PKD1: variants seen among roughly 807,000 people sequenced by gnomAD.
The protein encoded by PKD1 is polycystin 1, transient receptor potential channel interacting.
In PKD1, 81 loss-of-function variants were observed where a neutral mutation model predicts 361.7. The ratio of observed to expected loss-of-function variants is 0.22; its 90% CI spans 0.19 to 0.27. The LOEUF (loss-of-function observed/expected upper bound fraction) is 0.27, where lower values mean the gene tolerates loss of function less well. Ranked by LOEUF, PKD1 falls within the 10% of genes least tolerant of loss-of-function variation. The pLI is 1.00. For synonymous variants in PKD1, 3,615 were observed against 2,818.3 expected (o/e 1.28, Z -8.95); for missense variants, 6,399 against 6,118.3 (o/e 1.05, Z -1.53).
At position 2,111,994 on chromosome 16, in the gene PKD1, G is replaced by A. The variant is rs1217854260; in HGVS notation, c.3296-123C>T. 8 of 1,074,430 alleles carry A rather than the reference G, an allele frequency of 7.4e-6. No individual in the cohort carries two copies. In the East Asian group the frequency reaches 1.3e-4, roughly 17 times the overall value. 66.6% of individuals were successfully genotyped at this position (1,074,430 alleles called of 1,614,324 possible). A position where few individuals can be genotyped will look rare whatever the true frequency, so the allele number is the denominator to read the frequency against. ...CTGCACCTGCGGCCCAGCCTTAAGG[G>A]TCCCAGGCTCCCAAGCCACGTGCGG... On this transcript the variant is annotated intron_variant, in intron 14 of 45. Transcript: ENST00000262304.
rs755625935 is a variant in PKD1, at chr16:2,114,688, T to C, written c.2335A>G (p.Thr779Ala). ...LRLLAATEQL[T>A]VLLGLRPNPG... ...TTGGGCCTCAAGCCCAGCAGCACGG[T>C]GAGCTGTTCCGTGGCTGCAAGCAGC... The change falls in exon 11 of 46, where the codon ACC becomes GCC. Residue 779 changes from threonine to alanine, a missense_variant. Transcript: ENST00000262304. 6.5e-7 allele frequency: 1 copy of C among 1,539,112 alleles called. No individual in the cohort carries two copies. The highest frequency in any genetic ancestry group is 1.2e-5 in the South Asian group (1 of 84,552).
chr16:2,111,896 C>A, intron 14 of PKD1, 25 bp from the exon 15 acceptor site: 5 of 1,608,694 alleles, frequency 3.1e-6, no homozygotes, highest in Non-Finnish European at 4.2e-6. Context: ...CCGAGTGGGG[C>A]AGCCGCGGCA....
chr16:2,111,464 C>A lies in PKD1; in HGVS notation c.3703G>T (p.Val1235Leu), dbSNP rs761361259. 6.2e-7 allele frequency: 1 copy of A among 1,611,738 alleles called. No individual in the cohort carries two copies. Among genetic ancestry groups the A allele is most frequent in the Non-Finnish European group, 8.5e-7 (1 of 1,179,494 alleles). Reference sequence around the variant, plus strand: ...CACGTGATGTTGTCGCCCGTCTGCACCGCGGCGCTGACCACCACGGGGGCG... The same window carrying A: ...CACGTGATGTTGTCGCCCGTCTGCAACGCGGCGCTGACCACCACGGGGGCG... ...QGAPVVVSAAVQTGDNITWTF... is the reference protein window; with the variant it reads ...QGAPVVVSAALQTGDNITWTF... The change falls in exon 15 of 46, where the codon GTG (valine) becomes TTG (leucine). Residue 1235 changes from valine to leucine, a missense_variant. Physicochemically the swap from Val to Leu is conservative, Grantham distance 32. Transcript: ENST00000262304.
chr16:2,130,628 C>T (rs1386515301), intron 1 of PKD1, among the ~76,000 whole-genome samples: 2 of 152,230 alleles, frequency 1.3e-5, no homozygotes, highest in Non-Finnish European at 2.9e-5. Flanking sequence ...CCTCCGTGGC[C>T]TGGCCAGCCC....
intron 1 of PKD1, among the ~76,000 whole-genome samples, chr16:2,121,478 T>C (rs545666107): frequency 3.6e-4 from 54 of 151,976 alleles, no homozygotes; most frequent in South Asian, 2.1e-4. Flanking sequence ...AGAAGCACAA[T>C]TGGTCACAGC....
In PKD1 at chr16:2,107,991, C is replaced by A. The variant is rs1341118366; in HGVS notation, c.6957G>T (p.Gly2319=). Residue 2319 remains glycine (G), a synonymous_variant, in exon 16 of 46, where the codon GGG becomes GGT. Transcript: ENST00000262304. The part of the protein sequence containing the change: ...GGCALNFGPR[G]SSTVTIPRER... ...CCCGTGGAATGGTGACCGTGCTGCT[C>A]CCGCGGGGCCCAAAGTTCAGCGCAC... 1 of 1,548,132 alleles carries A rather than the reference C, an allele frequency of 6.5e-7. No homozygotes were observed. Among genetic ancestry groups the A allele is most frequent in the Non-Finnish European group, 8.7e-7 (1 of 1,147,076 alleles).
rs749231131 is a variant in PKD1, at chr16:2,108,857, C to G, written c.6310G>C (p.Asp2104His). 21 of 1,574,534 alleles carry G rather than the reference C, an allele frequency of 1.3e-5. No homozygotes were observed. Among genetic ancestry groups the G allele is most frequent in the Non-Finnish European group, 1.7e-5 (20 of 1,161,300 alleles). Residue 2104 changes from aspartate (D) to histidine (H), a missense_variant, in exon 15 of 46, where the codon GAC (aspartate) becomes CAC (histidine). Coordinates refer to ENST00000262304, the MANE Select transcript of PKD1 (RefSeq NM_001009944.3). Reference sequence around the variant, plus strand: ...TGCTCGGCCCTGGGCTCATCTGTGTCCTGCCCTGGCGACCCATCCCCAAAG... The same window carrying G: ...TGCTCGGCCCTGGGCTCATCTGTGTGCTGCCCTGGCGACCCATCCCCAAAG... Reference protein sequence around the residue: ...WDFGDGSPGQDTDEPRAEHSY... With the variant: ...WDFGDGSPGQHTDEPRAEHSY...
At chr16:2,099,620 C>T (rs777723662) in intron 30 of PKD1, 24 bp downstream of exon 30, 3 of 1,577,640 alleles carry the variant, frequency 1.9e-6, no homozygotes, top group Non-Finnish European at 2.6e-6. Context: ...TCCCAGTACT[C>T]CCGGGTCCCC....
rs532810989 is a variant in PKD1 at position 2,104,482 on chromosome 16, G to A, written c.8161+16C>T. The A allele has an allele frequency of 6.7e-6, 10 of 1,499,672 alleles. No individual in the cohort carries two copies. The highest frequency in any genetic ancestry group is 1.2e-5 in the South Asian group (1 of 83,814). The allele number at this position is 1,499,672 out of a possible 1,614,324, so 92.9% of individuals were successfully genotyped here. On this transcript the variant is annotated intron_variant, in intron 22 of 45. Coordinates refer to ENST00000262304, the MANE Select transcript of PKD1 (RefSeq NM_001009944.3). ...GCACGGGGCGGGCGGGTGGCATGGG[G>A]CACGGGCCGCGGCACCTGTGATGTT...
intron 16 of PKD1, 130 bp from the exon 17 acceptor site, chr16:2,107,078 T>C (rs3874658): frequency 0.12 from 99,644 of 809,298 alleles, 8,450 homozygotes; most frequent in African/African-American, 0.25. Flanking sequence ...GTGAGCTCAC[T>C]CCCTCCCAGG....
rs141175694 is a variant in PKD1 at position 2,105,419 on chromosome 16, G to A, written c.7919C>T (p.Ala2640Val). The A allele has an allele frequency of 1.6e-5, 25 of 1,584,702 alleles. No homozygotes were observed. Among genetic ancestry groups the A allele is most frequent in the Middle Eastern group, 2.3e-4 (1 of 4,408 alleles). ...AEPKHERQHRAQIRKNITETL... is the reference protein window; with the variant it reads ...AEPKHERQHRVQIRKNITETL... Reference sequence around the variant, plus strand: ...CTCCGTGATGTTCTTGCGTATCTGGGCTCGGTGCTGCCGCTCGTGCTTGGG... The same window carrying A: ...CTCCGTGATGTTCTTGCGTATCTGGACTCGGTGCTGCCGCTCGTGCTTGGG... The change falls in exon 21 of 46, where the codon GCC becomes GTC. Residue 2640 changes from alanine to valine, a missense_variant. Ala to Val is a moderately conservative substitution (Grantham distance 64). Transcript: ENST00000262304.
At chr16:2,132,852 C>T (rs1445382026) in intron 1 of PKD1, among the ~76,000 whole-genome samples, 1 of 148,728 alleles carries the variant, frequency 6.7e-6, no homozygotes, top group African/African-American at 2.5e-5. Context: ...GAGGCCGAGG[C>T]GGGCGGATCA....
intron 1 of PKD1, among the ~76,000 whole-genome samples, chr16:2,134,368 ACCCAC>A (rs1457669968): frequency 8.5e-6 from 1 of 118,014 alleles, no homozygotes; most frequent in African/African-American, 4.0e-5. Flanking sequence ...AAATGCCAGA[ACCCAC>A]CCAATGTTTA....
intron 30 of PKD1, chr16:2,098,290 C>T (rs2091933547): frequency 2.2e-6 from 1 of 447,320 alleles, no homozygotes; most frequent in African/African-American, 2.0e-5. Context: ...CTCACTGCAA[C>T]CTCCACCTCC....
At position 2,090,747 on chromosome 16, in the gene PKD1, G is replaced by C; in HGVS notation, c.12065C>G (p.Ala4022Gly). The C allele has an allele frequency of 6.2e-7, 1 of 1,612,662 alleles. No individual in the cohort carries two copies. Among genetic ancestry groups the C allele is most frequent in the Non-Finnish European group, 8.5e-7 (1 of 1,179,958 alleles). The part of the protein sequence containing the change: ...WSVFGKTLCR[A>G]LPELLGVTLG... ...GGTGACCCCCAGGAGCTCTGGCAGAGCTCGGCATAATGTCTTGCCAAAGAC... is the reference window on the plus strand; with the variant it reads ...GGTGACCCCCAGGAGCTCTGGCAGACCTCGGCATAATGTCTTGCCAAAGAC... The change falls in exon 44 of 46, where the codon GCT becomes GGT. Residue 4022 changes from alanine to glycine, a missense_variant. By Grantham distance (60) the Ala-to-Gly change is moderately conservative. Coordinates refer to ENST00000262304, the MANE Select transcript of PKD1 (RefSeq NM_001009944.3).
Position 2,100,535 on chromosome 16 carries a change from A to G in PKD1, c.9429T>C (p.Tyr3143=). The change falls in exon 27 of 46, where the codon TAT becomes TAC. Residue 3143 remains tyrosine (Y), a synonymous_variant. Coordinates refer to ENST00000262304, the MANE Select transcript of PKD1 (RefSeq NM_001009944.3). This position sits in a 1 kb window ranked among gnomAD's most constrained non-coding sequence, Gnocchi z 4.4. ...GGTGGCCGCTCCGGCTGTCCACCCC[A>G]TACAGCATGATGCCCACGTGGGCCG... ...GTTAHVGIML[Y]GVDSRSGHRH... 1.1e-5 allele frequency: 17 copies of G among 1,610,456 alleles called. No homozygotes were observed. The highest frequency in any genetic ancestry group is 2.3e-4 in the Middle Eastern group (1 of 4,430).
chr16:2,088,867 G>A lies in PKD1; in HGVS notation c.*860C>T, dbSNP rs111648142. On this transcript the variant is annotated 3_prime_UTR_variant, in exon 46 of 46. Coordinates refer to ENST00000262304, the MANE Select transcript of PKD1 (RefSeq NM_001009944.3). ...GCTGCCTGGGCCATACAGCACACTC[G>A]CGCGTGCGCGCGCGCACACACACAC... 7.8e-5 allele frequency: 39 copies of A among 498,008 alleles called. 1 individual carries two copies. The African/African-American group carries it at 1.0e-3, about 13-fold the overall frequency. 30.8% of individuals were successfully genotyped at this position (498,008 alleles called of 1,614,324 possible).
In PKD1 at chr16:2,100,238, G is replaced by C; in HGVS notation, c.9640C>G (p.Leu3214Val). Residue 3214 changes from leucine to valine, a missense_variant, in exon 28 of 46, where the codon CTG becomes GTG. Physicochemically the swap from Leu to Val is conservative, Grantham distance 32. Coordinates refer to ENST00000262304, the MANE Select transcript of PKD1 (RefSeq NM_001009944.3). This position sits in a 1 kb window ranked among gnomAD's most constrained non-coding sequence, Gnocchi z 4.4. ...TCCACCGAAAGCCAGTCATTGACCA[G>C]GAAGAAGGCGCTGCGTGCCGTCTGC... ...DLQTARSAFF[L>V]VNDWLSVETE... 8 of 1,610,612 alleles carry C rather than the reference G, an allele frequency of 5.0e-6. No homozygotes were observed. The highest frequency in any genetic ancestry group is 5.9e-6 in the Non-Finnish European group (7 of 1,179,652).
In PKD1 at chr16:2,090,952, G is replaced by C; in HGVS notation, c.11935C>G (p.Gln3979Glu). Residue 3979 changes from glutamine to glutamate, a missense_variant, in exon 43 of 46, where the codon CAG (glutamine) becomes GAG (glutamate). Coordinates refer to ENST00000262304, the MANE Select transcript of PKD1 (RefSeq NM_001009944.3). ...GCTGCGGAGCTCAGCTGCGCCACCTGGTCGAAGCTAGTGAAGCGGCGCGGG... is the reference window on the plus strand; with the variant it reads ...GCTGCGGAGCTCAGCTGCGCCACCTCGTCGAAGCTAGTGAAGCGGCGCGGG... ...GRPRRFTSFD[Q>E]VAQLSSAARG... The C allele has an allele frequency of 1.3e-6, 2 of 1,562,906 alleles. No individual in the cohort carries two copies. The highest frequency in any genetic ancestry group is 1.7e-6 in the Non-Finnish European group (2 of 1,160,888).
Sources: allele counts gnomAD v4.1 joint callset (sites outside exome capture counted in the v4.1 genomes callset), GRCh38; gene constraint gnomAD v4.1.1; non-coding constraint Gnocchi (gnomAD v3.1); transcripts MANE v1.5; gene names NCBI Gene and HGNC (gene_info 2026-07-23, HGNC 2026-07-21).